NOS1: variants seen among roughly 807,000 people sequenced by gnomAD.
NOS1 encodes the protein NOS type I.
A neutral mutation model predicts 164.5 loss-of-function variants in NOS1; 51 were observed. The observed-to-expected ratio is 0.31, with a 90% CI of 0.25 to 0.39. NOS1 has a LOEUF of 0.39. NOS1 is among the 10% of genes least tolerant of loss of function. The probability of loss-of-function intolerance (pLI) is 1.00; values close to 1 mark genes in which losing one functional copy is unlikely to be tolerated. For missense variants in NOS1, 1,362 were observed against 1,885.6 expected (o/e 0.72, Z 5.14); for synonymous variants, 719 against 745.8 (o/e 0.96, Z 0.59).
chr12:117,341,213 G>A (rs761998903), intron 1 of NOS1, among the ~76,000 whole-genome samples: 5 of 152,116 alleles, frequency 3.3e-5, no homozygotes, highest in Admixed American at 6.6e-5. Context: ...TAAAAGGTAC[G>A]GACACGTGGA....
chr12:117,259,150 G>T lies in NOS1; in HGVS notation c.2368-20C>A, dbSNP rs779437012. ...CATCACCTAGGTGGGCAGGGCACAG[G>T]TATAGGATGGGGAGAGGAAGAAGGG... On this transcript the variant is annotated intron_variant, in intron 14 of 28. Coordinates refer to ENST00000317775, the MANE Select transcript of NOS1 (RefSeq NM_000620.5). 4 of 1,529,404 alleles carry T rather than the reference G, an allele frequency of 2.6e-6. No homozygotes were observed. In the Admixed American group the frequency reaches 6.7e-5, roughly 26 times the overall value. The allele number at this position is 1,529,404 out of a possible 1,614,324, so 94.7% of individuals were successfully genotyped here. A position where few individuals can be genotyped will look rare whatever the true frequency, so the allele number is the denominator to read the frequency against.
At position 117,242,631 on chromosome 12, in the gene NOS1, A is replaced by G. The variant is rs1158776156; in HGVS notation, c.3037T>C (p.Ser1013Pro). ...LSRQNLQSPK[S>P]SRSTIFVRLH... Reference sequence around the variant, plus strand: ...AGTGAACCAAGATGTTCCTACCTGGATTTAGGGCTCTGGAGGTTTTGACGG... The same window carrying G: ...AGTGAACCAAGATGTTCCTACCTGGGTTTAGGGCTCTGGAGGTTTTGACGG... The change falls in exon 20 of 29, where the codon TCC becomes CCC. Residue 1013 changes from serine (S) to proline (P), a missense_variant. By Grantham distance (74) the Ser-to-Pro change is moderately conservative. Coordinates refer to ENST00000317775, the MANE Select transcript of NOS1 (RefSeq NM_000620.5). 1 of 1,613,990 alleles carries G rather than the reference A, an allele frequency of 6.2e-7. No individual in the cohort carries two copies.
At chr12:117,259,208 A>T in intron 14 of NOS1, 78 bp from the exon 15 acceptor site, 1 of 938,178 alleles carries the variant, frequency 1.1e-6, no homozygotes, top group South Asian at 1.4e-5. Flanking sequence ...GAGAGACAAA[A>T]AGTGATGGGG....
chr12:117,269,923 C>G (rs997062955), intron 10 of NOS1, among the ~76,000 whole-genome samples: 2 of 152,190 alleles, frequency 1.3e-5, no homozygotes, highest in African/African-American at 4.8e-5. Flanking sequence ...CAGACTCCAT[C>G]TGACACATGG....
intron 4 of NOS1, among the ~76,000 whole-genome samples, chr12:117,289,952 C>T (rs528566468): frequency 1.1e-3 from 164 of 152,294 alleles, no homozygotes; most frequent in African/African-American, 3.7e-3. Flanking sequence ...ACTTTCCCCC[C>T]TCCCTGTGTG....
At chr12:117,221,818 A>ATTTTTTTTTT (rs3070338) in intron 26 of NOS1, among the ~76,000 whole-genome samples, 1 of 111,548 alleles carries the variant, frequency 9.0e-6, no homozygotes, top group Non-Finnish European at 1.7e-5. Context: ...GCTAACTTAA[A>ATTTTTTTTTT]TTTTTTTTTT....
intron 2 of NOS1, among the ~76,000 whole-genome samples, chr12:117,314,757 C>T (rs902871608): frequency 6.6e-6 from 1 of 152,162 alleles, no homozygotes; most frequent in East Asian, 1.9e-4. Context: ...CAGGCGCACA[C>T]CACCACGCCC....
At chr12:117,321,726 C>T (rs140918348) in intron 2 of NOS1, among the ~76,000 whole-genome samples, 1 of 152,270 alleles carries the variant, frequency 6.6e-6, no homozygotes, top group Non-Finnish European at 1.5e-5. Flanking sequence ...CTCTGAGATA[C>T]ATCAAGTGTG....
chr12:117,226,884 T>C lies in NOS1; in HGVS notation c.3617-114A>G, dbSNP rs1019995007. ...CAGTGCCAAGTTTATCCTTTGGAAT[T>C]CCTCCCCAGGATCCCTTCCTCTGAA... On this transcript the variant is annotated intron_variant, in intron 23 of 28. Coordinates refer to ENST00000317775, the MANE Select transcript of NOS1 (RefSeq NM_000620.5). The C allele has an allele frequency of 3.8e-6, 3 of 795,428 alleles. No homozygotes were observed. The African/African-American group carries it at 5.1e-5, about 14-fold the overall frequency. The allele number at this position is 795,428 out of a possible 1,614,324, so 49.3% of individuals were successfully genotyped here. A position where few individuals can be genotyped will look rare whatever the true frequency, so the allele number is the denominator to read the frequency against.
intron 3 of NOS1, among the ~76,000 whole-genome samples, chr12:117,297,759 ATTTT>A (rs572371433): frequency 3.3e-5 from 5 of 152,094 alleles, no homozygotes. Flanking sequence ...ACAGAGGGAG[ATTTT>A]TTAGGCAAGA....
At chr12:117,335,880 A>T (rs1424748198) in intron 1 of NOS1, among the ~76,000 whole-genome samples, 1 of 151,986 alleles carries the variant, frequency 6.6e-6, no homozygotes, top group African/African-American at 2.4e-5. Flanking sequence ...CACTACACCA[A>T]GCTAGTTGTT....
At chr12:117,241,438 T>C (rs1388355709) in intron 20 of NOS1, among the ~76,000 whole-genome samples, 4 of 151,530 alleles carry the variant, frequency 2.6e-5, no homozygotes, top group African/African-American at 7.3e-5. Flanking sequence ...TTTGCAATGA[T>C]TGGAAAACAG....
chr12:117,268,588 A>AG (rs1872586535), intron 10 of NOS1, among the ~76,000 whole-genome samples: 1 of 86,130 alleles, frequency 1.2e-5, no homozygotes, highest in South Asian at 4.5e-4. Flanking sequence ...TCACTCATTC[A>AG]ATTTTTTTTT....
In NOS1 at chr12:117,267,574, T is replaced by A. The variant is rs901552616; in HGVS notation, c.1941+469A>T. 4.7e-4 allele frequency among the ~76,000 whole-genome samples: 63 copies of A among 132,750 alleles called. 1 individual carries two copies. Among genetic ancestry groups the A allele is most frequent in the Admixed American group, 7.5e-5 (1 of 13,294 alleles). The allele number at this position is 132,750 out of a possible 152,430, so 87.1% of individuals were successfully genotyped here. On this transcript the variant is annotated intron_variant, in intron 11 of 28. Transcript: ENST00000317775. ...TGCACTCTAGTCTGGGCGACAAGAG[T>A]GAAACTCCATCTCAAAAAAAAAAAA...
At chr12:117,333,031 G>A (rs1875622876) in intron 1 of NOS1, among the ~76,000 whole-genome samples, 1 of 152,210 alleles carries the variant, frequency 6.6e-6, no homozygotes, top group Admixed American at 6.5e-5. Flanking sequence ...AGATGCTGTG[G>A]CCCAGGTGAG....
intron 20 of NOS1, among the ~76,000 whole-genome samples, chr12:117,236,745 C>T (rs944734806): frequency 1.1e-4 from 16 of 152,224 alleles, no homozygotes; most frequent in African/African-American, 3.9e-4. Flanking sequence ...AATCAATTCC[C>T]GCTTTCTTCC....
At position 117,220,062 on chromosome 12, in the gene NOS1, G is replaced by C. The variant is rs1264758935; in HGVS notation, c.4170+13C>G. 6.3e-7 allele frequency: 1 copy of C among 1,593,740 alleles called. No individual in the cohort carries two copies. The highest frequency in any genetic ancestry group is 8.6e-7 in the Non-Finnish European group (1 of 1,169,496). On this transcript the variant is annotated intron_variant, in intron 27 of 28. Coordinates refer to ENST00000317775, the MANE Select transcript of NOS1 (RefSeq NM_000620.5). ...GTAGGAAAAGGGACCTGGGAAGTCA[G>C]CCTGTCACTCACCCTCATCCGGCTG...
At chr12:117,231,152 A>G (rs1283707784) in intron 22 of NOS1, among the ~76,000 whole-genome samples, 3 of 152,034 alleles carry the variant, frequency 2.0e-5, no homozygotes, top group Non-Finnish European at 4.4e-5. Context: ...TCTACTAAAG[A>G]AAAAAACTAC....
intron 9 of NOS1, among the ~76,000 whole-genome samples, chr12:117,277,019 A>G (rs1873241643): frequency 6.6e-6 from 1 of 152,106 alleles, no homozygotes; most frequent in Non-Finnish European, 1.5e-5. Flanking sequence ...GGATTGCTGG[A>G]TCATATGGTA....
Sources: allele counts gnomAD v4.1 joint callset (sites outside exome capture counted in the v4.1 genomes callset), GRCh38; gene constraint gnomAD v4.1.1; transcripts MANE v1.5; gene names NCBI Gene and HGNC (gene_info 2026-07-23, HGNC 2026-07-21).